SHANK2: variants seen among roughly 807,000 people sequenced by gnomAD.
SHANK2 encodes SH3 and multiple ankyrin repeat domains 2, also known as SH3 and multiple ankyrin repeat domains protein 2.
Under a neutral mutation model 133.7 loss-of-function variants are expected in SHANK2, and 43 were observed. That is an observed-to-expected ratio of 0.32 (90% CI 0.25 to 0.41). The LOEUF is 0.41. Among genes scored for constraint, SHANK2 ranks in the 10% least tolerant of loss-of-function variants. The probability of loss-of-function intolerance (pLI) is 1.00; values close to 1 mark genes in which losing one functional copy is unlikely to be tolerated. For missense variants in SHANK2, 1,994 were observed against 2,235.8 expected, an observed-to-expected ratio of 0.89 and a Z score of 2.18; for synonymous variants, 1,017 against 952.8, an observed-to-expected ratio of 1.07 and a Z score of -1.24.
intron 3 of SHANK2, among the ~76,000 whole-genome samples, chr11:71,135,761 G>A (rs1401111171): frequency 6.6e-6 from 1 of 152,070 alleles, no homozygotes; most frequent in Non-Finnish European, 1.5e-5. Flanking sequence ...CAGCCGGGGA[G>A]GACCTGATTT....
intron 14 of SHANK2, among the ~76,000 whole-genome samples, chr11:70,782,907 C>T (rs1364612933): frequency 6.6e-6 from 1 of 152,186 alleles, no homozygotes; most frequent in South Asian, 2.1e-4. Context: ...ATTACTCTTA[C>T]AGACTAAATG....
intron 17 of SHANK2, among the ~76,000 whole-genome samples, chr11:70,575,482 G>A (rs573529274): frequency 6.7e-6 from 1 of 148,498 alleles, no homozygotes; most frequent in African/African-American, 2.5e-5. Flanking sequence ...TTGTGCCACT[G>A]CACTCCAGCC....
At chr11:70,776,435 G>C (rs1367287153) in intron 14 of SHANK2, among the ~76,000 whole-genome samples, 2 of 152,176 alleles carry the variant, frequency 1.3e-5, no homozygotes, top group African/African-American at 4.8e-5. Context: ...CTCTCTAGGG[G>C]CCAAAGACTC....
At chr11:70,718,019 C>T (rs1555027872) in intron 14 of SHANK2, among the ~76,000 whole-genome samples, 1 of 152,194 alleles carries the variant, frequency 6.6e-6, no homozygotes, top group Admixed American at 6.5e-5. Flanking sequence ...CGCGTCCTTC[C>T]ACTTCCCACT....
At chr11:71,187,424 G>T (rs956837746) in intron 2 of SHANK2, among the ~76,000 whole-genome samples, 1 of 151,824 alleles carries the variant, frequency 6.6e-6, no homozygotes, top group Non-Finnish European at 1.5e-5. Context: ...TTTTATTCAG[G>T]GACAGTTCTT....
chr11:71,209,035 A>G (rs189830283), intron 2 of SHANK2, among the ~76,000 whole-genome samples: 1 of 152,258 alleles, frequency 6.6e-6, no homozygotes, highest in East Asian at 1.9e-4. Flanking sequence ...ATGTCAGGGG[A>G]AAGGTCAGAG....
intron 1 of SHANK2, among the ~76,000 whole-genome samples, chr11:71,236,999 A>G (rs1477246510): frequency 6.6e-6 from 1 of 152,238 alleles, no homozygotes; most frequent in Non-Finnish European, 1.5e-5. Flanking sequence ...CTGTCACAGT[A>G]ATGGCTCCAA....
chr11:70,470,898 G>A lies in SHANK2; in HGVS notation c.*1971C>T, dbSNP rs2058590584. 1 of 171,058 alleles carries A rather than the reference G, an allele frequency of 5.8e-6. No homozygotes were observed. The highest frequency in any genetic ancestry group is 2.0e-4 in the South Asian group (1 of 4,990). The allele number at this position is 171,058 out of a possible 1,614,324, so 10.6% of individuals were successfully genotyped here. A position where few individuals can be genotyped will look rare whatever the true frequency, so the allele number is the denominator to read the frequency against. On this transcript the variant is annotated 3_prime_UTR_variant, in exon 26 of 26. Coordinates refer to ENST00000601538, the MANE Select transcript of SHANK2 (RefSeq NM_012309.5). ...TGTTTTTGTTTTTGGAGAAACTGCT[G>A]CATTATGAATTGTAACCACTTTGAA... is the stretch of plus-strand genomic sequence containing the variant.
chr11:71,241,615 G>C (rs1017113789), intron 1 of SHANK2, among the ~76,000 whole-genome samples: 1 of 152,176 alleles, frequency 6.6e-6, no homozygotes, highest in Non-Finnish European at 1.5e-5. Context: ...GTTTTTCTTG[G>C]GATCCAGCTC....
At chr11:70,624,787 T>C (rs1236541791) in intron 17 of SHANK2, among the ~76,000 whole-genome samples, 3 of 152,090 alleles carry the variant, frequency 2.0e-5, no homozygotes, top group Admixed American at 2.0e-4. Flanking sequence ...GCTAGAAACG[T>C]CCCCGGTGTC....
At chr11:70,661,707 C>G in intron 15 of SHANK2, 29 bp from the exon 16 acceptor site, 1 of 1,614,096 alleles carries the variant, frequency 6.2e-7, no homozygotes, top group Non-Finnish European at 8.5e-7. Context: ...GGACAGCGAC[C>G]ATTATTGTAG....
chr11:71,096,845 T>G (rs1206469669), intron 6 of SHANK2, among the ~76,000 whole-genome samples: 5 of 152,166 alleles, frequency 3.3e-5, no homozygotes, highest in African/African-American at 1.2e-4. Context: ...GCTGTTCCAT[T>G]TTATAAATGA....
chr11:70,494,424 G>A (rs2058940057), intron 21 of SHANK2, among the ~76,000 whole-genome samples: 1 of 152,188 alleles, frequency 6.6e-6, no homozygotes, highest in South Asian at 2.1e-4. Context: ...CTCCTGAGTA[G>A]CTGGGATTAC....
At position 70,915,341 on chromosome 11, in the gene SHANK2, G is replaced by T. The variant is rs559265861; in HGVS notation, c.1108-18774C>A. 2.2e-4 allele frequency among the ~76,000 whole-genome samples: 34 copies of T among 152,266 alleles called. No individual in the cohort carries two copies. The South Asian group carries it at 6.8e-3, about 31-fold the overall frequency. ...CAAAAAAATCCCCTAGCAACTACACGCTGGCGCCTAACATTTTAATTCTTT... is the reference window on the plus strand; with the variant it reads ...CAAAAAAATCCCCTAGCAACTACACTCTGGCGCCTAACATTTTAATTCTTT... On this transcript the variant is annotated intron_variant, in intron 10 of 25. Transcript: ENST00000601538.
chr11:70,655,179 G>A (rs2061391519), intron 17 of SHANK2, among the ~76,000 whole-genome samples: 1 of 152,166 alleles, frequency 6.6e-6, no homozygotes, highest in Non-Finnish European at 1.5e-5. Context: ...GGCAACTTAG[G>A]CTTTCCCCCA....
intron 11 of SHANK2, chr11:70,873,152 G>A (rs1555070535): frequency 2.1e-6 from 1 of 467,682 alleles, no homozygotes; most frequent in African/African-American, 2.0e-5. Context: ...AAAACAAAGA[G>A]CCGTTGCCAC....
At chr11:70,719,288 G>A (rs1244887106) in intron 14 of SHANK2, among the ~76,000 whole-genome samples, 1 of 152,222 alleles carries the variant, frequency 6.6e-6, no homozygotes, top group African/African-American at 2.4e-5. Flanking sequence ...GAAGGTTAGC[G>A]ACTGGCTCAA....
chr11:71,188,400 C>T lies in SHANK2; in HGVS notation c.-13+36297G>A, dbSNP rs912991376. Among the ~76,000 whole-genome samples the T allele has an allele frequency of 9.8e-5, 15 of 152,296 alleles. No individual in the cohort carries two copies. Among genetic ancestry groups the T allele is most frequent in the Admixed American group, 2.0e-4 (3 of 15,308 alleles). Reference sequence around the variant, plus strand: ...ACACACCATCCCTCAGCAAGTTGTGCGTTCCCAACCAGGACCTGCTGAGGT... The same window carrying T: ...ACACACCATCCCTCAGCAAGTTGTGTGTTCCCAACCAGGACCTGCTGAGGT... On this transcript the variant is annotated intron_variant, in intron 2 of 25. Coordinates refer to ENST00000601538, the MANE Select transcript of SHANK2 (RefSeq NM_012309.5). This position sits in a 1 kb window ranked among gnomAD's most constrained non-coding sequence, Gnocchi z 4.6.
chr11:71,168,149 G>A (rs1283938021), intron 2 of SHANK2, among the ~76,000 whole-genome samples: 3 of 137,860 alleles, frequency 2.2e-5, no homozygotes, highest in South Asian at 2.5e-4. Context: ...CTTCTCAGAC[G>A]GGGTGGCCGG....
Sources: allele counts gnomAD v4.1 joint callset (sites outside exome capture counted in the v4.1 genomes callset), GRCh38; gene constraint gnomAD v4.1.1; non-coding constraint Gnocchi (gnomAD v3.1); transcripts MANE v1.5; gene names NCBI Gene and HGNC (gene_info 2026-07-23, HGNC 2026-07-21).